Variants in CIDEA observed in about 807,000 individuals in gnomAD.
The protein encoded by CIDEA is cell death inducing DFFA like effector a, also known as lipid transferase CIDEA.
A neutral mutation model predicts 18.2 loss-of-function variants in CIDEA; 10 were observed. The ratio of observed to expected loss-of-function variants is 0.55; its 90% CI spans 0.34 to 0.93. CIDEA has a LOEUF of 0.93. CIDEA is among the 40% of genes least tolerant of loss of function. The probability of loss-of-function intolerance (pLI) is 0.02; values close to 1 mark genes in which losing one functional copy is unlikely to be tolerated. For synonymous variants in CIDEA, 128 were observed against 124.8 expected (o/e 1.03, Z -0.17); for missense variants, 309 against 293.1 (o/e 1.05, Z -0.40).
intron 3 of CIDEA, among the ~76,000 whole-genome samples, chr18:12,270,888 T>A (rs867362122): frequency 8.3e-6 from 1 of 120,546 alleles, no homozygotes; most frequent in Non-Finnish European, 1.7e-5. Flanking sequence ...TTTTTCTTTT[T>A]CTTTTCTTTT....
intron 1 of CIDEA, chr18:12,254,804 C>A: frequency 1.5e-6 from 2 of 1,348,896 alleles, no homozygotes. Flanking sequence ...GAACCCCGAG[C>A]AAAGCTTCCG....
rs547091557 is a variant in CIDEA, at chr18:12,256,977, C to T, written c.38+2556C>T. ...GGTGTGCTCCCACCTGCATATGTCA[C>T]GTCCAAGAGCCCTAGGGGAGCCGGG... On this transcript the variant is annotated intron_variant, in intron 1 of 4. Transcript: ENST00000320477. Among the ~76,000 whole-genome samples, 22 of 152,300 alleles carry T rather than the reference C, an allele frequency of 1.4e-4. No individual in the cohort carries two copies. In the East Asian group the frequency reaches 4.2e-3, roughly 29 times the overall value.
intron 3 of CIDEA, among the ~76,000 whole-genome samples, chr18:12,271,822 C>G (rs1912542074): frequency 6.6e-6 from 1 of 152,118 alleles, no homozygotes; most frequent in African/African-American, 2.4e-5. Context: ...CAGGAAGCCG[C>G]CAGCAGGTGT....
chr18:12,273,933 A>G (rs1162172718), intron 3 of CIDEA, among the ~76,000 whole-genome samples, 160 bp from the exon 4 acceptor site: 1 of 152,218 alleles, frequency 6.6e-6, no homozygotes, highest in East Asian at 1.9e-4. Flanking sequence ...GTGTGTGCAA[A>G]TGGGTCCTGC....
At position 12,276,883 on chromosome 18, in the gene CIDEA, G is replaced by A. The variant is rs186345057; in HGVS notation, c.513-240G>A. 1.3e-3 allele frequency among the ~76,000 whole-genome samples: 202 copies of A among 152,318 alleles called. 2 individuals are homozygous for A. Among genetic ancestry groups the A allele is most frequent in the South Asian group, 3.9e-3 (19 of 4,832 alleles). ...TTCTTGCGGTGGTCTTGGGCCAGCAGCAAGGGGGTCCTCAGGGAGCTCACA... is the reference window on the plus strand; with the variant it reads ...TTCTTGCGGTGGTCTTGGGCCAGCAACAAGGGGGTCCTCAGGGAGCTCACA... On this transcript the variant is annotated intron_variant, in intron 4 of 4. Transcript: ENST00000320477.
Sources: allele counts gnomAD v4.1 joint callset (sites outside exome capture counted in the v4.1 genomes callset), GRCh38; gene constraint gnomAD v4.1.1; transcripts MANE v1.5; gene names NCBI Gene and HGNC (gene_info 2026-07-23, HGNC 2026-07-21).